Variants in MCC observed in about 807,000 individuals in gnomAD.
The protein encoded by MCC is MCC regulator of Wnt signaling pathway.
A neutral mutation model predicts 116.2 loss-of-function variants in MCC; 90 were observed. The observed-to-expected ratio is 0.77, with a 90% CI of 0.65 to 0.92. The LOEUF is 0.92. Ranked by LOEUF, MCC falls within the 40% of genes least tolerant of loss-of-function variation. The pLI is 0.00. For synonymous variants in MCC, 578 were observed against 510.5 expected (o/e 1.13, Z -1.78); for missense variants, 1,516 against 1,312.2 (o/e 1.16, Z -2.40).
intron 3 of MCC, among the ~76,000 whole-genome samples, chr5:113,212,165 G>A (rs191140086): frequency 6.6e-6 from 1 of 152,238 alleles, no homozygotes; most frequent in Admixed American, 6.5e-5. Context: ...TAACAAATTA[G>A]TAAATAAAAT....
At chr5:113,203,435 G>A (rs1762773976) in intron 3 of MCC, 1 of 151,690 alleles carries the variant, frequency 6.6e-6, no homozygotes, top group South Asian at 2.1e-4. Flanking sequence ...ACAGCACGTT[G>A]TCTCCACCGA....
chr5:113,450,624 G>A (rs1009825104), intron 1 of MCC, among the ~76,000 whole-genome samples: 2 of 152,216 alleles, frequency 1.3e-5, no homozygotes, highest in Non-Finnish European at 2.9e-5. Context: ...AAATGCTTGT[G>A]AGGTATTTCA....
intron 3 of MCC, among the ~76,000 whole-genome samples, chr5:113,273,734 T>C (rs546998133): frequency 1.3e-5 from 2 of 152,252 alleles, no homozygotes; most frequent in African/African-American, 4.8e-5. Context: ...ATTAATTGTA[T>C]TAAGCAAATG....
intron 3 of MCC, among the ~76,000 whole-genome samples, chr5:113,236,692 A>G (rs1764143691): frequency 6.6e-6 from 1 of 152,236 alleles, no homozygotes. Flanking sequence ...CTGAGGTACA[A>G]TAAATGATTA....
At chr5:113,267,041 C>G (rs1765448413) in intron 3 of MCC, among the ~76,000 whole-genome samples, 1 of 152,180 alleles carries the variant, frequency 6.6e-6, no homozygotes, top group African/African-American at 2.4e-5. Context: ...ACTTGGCCAA[C>G]AGTTGGCTAA....
chr5:113,429,850 ACAGT>A (rs1309610030), intron 1 of MCC, among the ~76,000 whole-genome samples: 1 of 152,234 alleles, frequency 6.6e-6, no homozygotes, highest in Non-Finnish European at 1.5e-5. Flanking sequence ...AGAAACCAAC[ACAGT>A]CAATGACATT....
chr5:113,086,718 C>T (rs1233688950), intron 8 of MCC, among the ~76,000 whole-genome samples: 1 of 152,150 alleles, frequency 6.6e-6, no homozygotes, highest in African/African-American at 2.4e-5. Flanking sequence ...GCAGTGTCTA[C>T]CTGAAAGAGC....
Position 113,434,958 on chromosome 5 carries a change from T to G in MCC, c.171-49746A>C. The G allele has an allele frequency of 1.6e-6, 2 of 1,289,542 alleles. No homozygotes were observed. 79.9% of individuals were successfully genotyped at this position (1,289,542 alleles called of 1,614,324 possible). ...TCCTTTGGGCTGGCCAGGCCTGCTGTTCCTGCCTCCTAGAGGCCAAGACTC... is the reference window on the plus strand; with the variant it reads ...TCCTTTGGGCTGGCCAGGCCTGCTGGTCCTGCCTCCTAGAGGCCAAGACTC... On this transcript the variant is annotated intron_variant, in intron 1 of 18. Coordinates refer to ENST00000408903, the MANE Select transcript of MCC (RefSeq NM_001085377.2). This position sits in a 1 kb window ranked among gnomAD's most constrained non-coding sequence, Gnocchi z 4.2.
intron 2 of MCC, among the ~76,000 whole-genome samples, chr5:113,345,325 C>G (rs923346135): frequency 1.3e-5 from 2 of 152,164 alleles, no homozygotes; most frequent in Non-Finnish European, 2.9e-5. Flanking sequence ...CTGCCCAGAG[C>G]CTGGGGGAGC....
intron 3 of MCC, among the ~76,000 whole-genome samples, chr5:113,302,084 AT>A (rs1766876167): frequency 6.6e-6 from 1 of 152,224 alleles, no homozygotes; most frequent in African/African-American, 2.4e-5. Flanking sequence ...AATTGACAAA[AT>A]ATCCCTGTTT....
intron 3 of MCC, among the ~76,000 whole-genome samples, chr5:113,289,333 A>C (rs1447232311): frequency 6.6e-6 from 1 of 151,724 alleles, no homozygotes; most frequent in Admixed American, 6.6e-5. Context: ...CATCTCAAAA[A>C]AAAAAAAAAA....
intron 2 of MCC, among the ~76,000 whole-genome samples, chr5:113,342,034 CTT>C (rs1272930082): frequency 1.3e-4 from 20 of 151,388 alleles, no homozygotes; most frequent in Non-Finnish European, 2.7e-4. Context: ...CTGTGTCACT[CTT>C]ATGCCTTTGA....
At chr5:113,299,335 A>G in intron 3 of MCC, among the ~76,000 whole-genome samples, 1 of 114,106 alleles carries the variant, frequency 8.8e-6, no homozygotes, top group Non-Finnish European at 1.8e-5. Context: ...AAAAAAAAAA[A>G]AAAAAAAAAA....
intron 5 of MCC, among the ~76,000 whole-genome samples, chr5:113,134,854 C>G (rs78192052): frequency 6.6e-6 from 1 of 151,744 alleles, no homozygotes; most frequent in South Asian, 2.1e-4. Context: ...TCTTCCAATC[C>G]ATAAGCATGG....
intron 2 of MCC, among the ~76,000 whole-genome samples, chr5:113,374,294 C>T (rs1386789310): frequency 1.3e-5 from 2 of 151,196 alleles, no homozygotes; most frequent in Non-Finnish European, 2.9e-5. Flanking sequence ...CAGTGTTTGA[C>T]AGCCTTAAAC....
intron 1 of MCC, among the ~76,000 whole-genome samples, chr5:113,468,617 C>T (rs1167832211): frequency 2.0e-5 from 3 of 152,176 alleles, no homozygotes; most frequent in African/African-American, 7.2e-5. Flanking sequence ...CATCGATGTT[C>T]ATCAAGGATA....
Position 113,122,674 on chromosome 5 carries a change from G to A in MCC, c.1027+10C>T, listed in dbSNP as rs908999281. The A allele has an allele frequency of 2.5e-6, 4 of 1,613,474 alleles. No individual in the cohort carries two copies. Among genetic ancestry groups the A allele is most frequent in the South Asian group, 2.2e-5 (2 of 90,954 alleles). ...AACTCTGGCTTGGTGGCAAGGGCAG[G>A]CAGACTCACCCATGTCAGCAGTAAC... On this transcript the variant is annotated intron_variant, in intron 6 of 18. Transcript: ENST00000408903.
chr5:113,051,881 C>T (rs1216316808), intron 15 of MCC, among the ~76,000 whole-genome samples: 1 of 152,070 alleles, frequency 6.6e-6, no homozygotes, highest in Non-Finnish European at 1.5e-5. Flanking sequence ...ACGTAACCTG[C>T]TGGATAATGG....
chr5:113,315,850 C>G (rs571412588), intron 3 of MCC, among the ~76,000 whole-genome samples: 1 of 152,102 alleles, frequency 6.6e-6, no homozygotes, highest in Non-Finnish European at 1.5e-5. Context: ...TGCGCTCCAG[C>G]CCGGGTGACA....
Sources: allele counts gnomAD v4.1 joint callset (sites outside exome capture counted in the v4.1 genomes callset), GRCh38; gene constraint gnomAD v4.1.1; non-coding constraint Gnocchi (gnomAD v3.1); transcripts MANE v1.5; gene names NCBI Gene and HGNC (gene_info 2026-07-23, HGNC 2026-07-21).